Variants in BEAN1 observed in about 807,000 individuals in gnomAD.
BEAN1 encodes the protein brain expressed associated with NEDD4 1.
Under a neutral mutation model 17.7 loss-of-function variants are expected in BEAN1, and 17 were observed. That is an observed-to-expected ratio of 0.96 (90% confidence interval 0.66 to 1.44). The LOEUF is 1.44. BEAN1 is among the 40% of genes most tolerant of loss of function. The pLI, the probability that BEAN1 is intolerant of heterozygous loss-of-function variation, is 0.00. For synonymous variants in BEAN1, 142 were observed against 151.8 expected, an observed-to-expected ratio of 0.94 and a Z score of 0.47; for missense variants, 359 against 374.1, an observed-to-expected ratio of 0.96 and a Z score of 0.33.
At chr16:66,438,363 G>A (rs1441370782) in intron 2 of BEAN1, among the ~76,000 whole-genome samples, 2 of 152,062 alleles carry the variant, frequency 1.3e-5, no homozygotes, top group African/African-American at 2.4e-5. Context: ...CAGCCTGGGC[G>A]ACAGAGCGAA....
intron 4 of BEAN1, among the ~76,000 whole-genome samples, chr16:66,488,241 T>C (rs1268369320): frequency 3.3e-5 from 5 of 151,908 alleles, no homozygotes; most frequent in Non-Finnish European, 5.9e-5. Flanking sequence ...GTGGGGGCCT[T>C]GGAATGTACC....
intron 2 of BEAN1, among the ~76,000 whole-genome samples, chr16:66,448,787 C>A (rs1178212349): frequency 2.0e-5 from 3 of 152,156 alleles, no homozygotes; most frequent in Non-Finnish European, 4.4e-5. Flanking sequence ...CGTGCCACTG[C>A]ACTCGGGCAA....
downstream of BEAN1, among the ~76,000 whole-genome samples, chr16:66,493,708 G>A (rs955697153): frequency 3.3e-5 from 5 of 152,138 alleles, no homozygotes; most frequent in African/African-American, 7.2e-5. Context: ...AGCTCTGCCC[G>A]ACACCAGGTC....
At chr16:66,439,982 C>G (rs919875251) in intron 2 of BEAN1, among the ~76,000 whole-genome samples, 7 of 152,156 alleles carry the variant, frequency 4.6e-5, no homozygotes, top group Admixed American at 4.6e-4. Context: ...CCTGGTGTCC[C>G]CTTCCAGCAC....
chr16:66,480,692 G>A lies in BEAN1; in HGVS notation c.547G>A (p.Asp183Asn), dbSNP rs550452891. The change falls in exon 5 of 5, where the codon GAC (aspartate) becomes AAC (asparagine). Residue 183 changes from aspartate (D) to asparagine (N), a missense_variant. Physicochemically the swap from Asp to Asn is conservative, Grantham distance 23. Transcript: ENST00000536005. The part of the protein sequence containing the change: ...DSCPTLDGTS[D>N]SGSGHSPGRH... ...CTGCCCCACGCTGGATGGCACCTCCGACTCAGGCAGCGGCCACAGCCCTGG... is the reference window on the plus strand; with the variant it reads ...CTGCCCCACGCTGGATGGCACCTCCAACTCAGGCAGCGGCCACAGCCCTGG... 3.5e-5 allele frequency: 55 copies of A among 1,551,644 alleles called. 2 individuals carry two copies. The highest frequency in any genetic ancestry group is 1.9e-4 in the South Asian group (16 of 84,054).
At chr16:66,431,557 T>A (rs1297027898) in intron 1 of BEAN1, among the ~76,000 whole-genome samples, 1 of 152,060 alleles carries the variant, frequency 6.6e-6, no homozygotes, top group Non-Finnish European at 1.5e-5. Flanking sequence ...TTTCTGTCTG[T>A]GTTCTGTCCT....
chr16:66,435,492 T>A (rs1447333719), intron 1 of BEAN1, among the ~76,000 whole-genome samples: 1 of 152,128 alleles, frequency 6.6e-6, no homozygotes, highest in Admixed American at 6.5e-5. Flanking sequence ...ATAACTGGTT[T>A]GTTTTTGTTT....
chr16:66,468,877 G>A (rs1963358179), intron 2 of BEAN1, among the ~76,000 whole-genome samples: 1 of 152,074 alleles, frequency 6.6e-6, no homozygotes, highest in Non-Finnish European at 1.5e-5. Context: ...TCTTTCCGTA[G>A]GACTCTCAAG....
intron 2 of BEAN1, among the ~76,000 whole-genome samples, chr16:66,449,083 C>T (rs1203431727): frequency 6.6e-6 from 1 of 152,176 alleles, no homozygotes; most frequent in African/African-American, 2.4e-5. Context: ...GTCACTATCC[C>T]ATGTCAAGGG....
chr16:66,477,589 A>G lies in BEAN1; in HGVS notation c.319A>G (p.Ser107Gly). The change falls in exon 4 of 5, where the codon AGC becomes GGC. Residue 107 changes from serine (S) to glycine (G), a missense_variant. By Grantham distance (56) the Ser-to-Gly change is moderately conservative. Transcript: ENST00000536005. The part of the protein sequence containing the change: ...VSDEHTYSRS[S>G]RRMRYACSSS... Reference sequence around the variant, plus strand: ...GGACGAGCACACATACAGCCGCTCAAGCCGCAGGATGCGCTATGCCTGCAG... The same window carrying G: ...GGACGAGCACACATACAGCCGCTCAGGCCGCAGGATGCGCTATGCCTGCAG... 1.3e-6 allele frequency: 2 copies of G among 1,549,680 alleles called. No homozygotes were observed. Among genetic ancestry groups the G allele is most frequent in the Non-Finnish European group, 1.7e-6 (2 of 1,146,398 alleles).
At chr16:66,468,343 A>C (rs566963129) in intron 2 of BEAN1, among the ~76,000 whole-genome samples, 3 of 152,346 alleles carry the variant, frequency 2.0e-5, no homozygotes, top group Non-Finnish European at 4.4e-5. Flanking sequence ...GGGCTTGAAC[A>C]TGGGCTCTGG....
At chr16:66,454,117 T>C (rs1962780421) in intron 2 of BEAN1, among the ~76,000 whole-genome samples, 1 of 152,240 alleles carries the variant, frequency 6.6e-6, no homozygotes, top group African/African-American at 2.4e-5. Context: ...ACATATTTTG[T>C]ATGATTTAAA....
chr16:66,474,755 A>G (rs575387831), intron 3 of BEAN1, among the ~76,000 whole-genome samples: 3 of 152,246 alleles, frequency 2.0e-5, no homozygotes, highest in Non-Finnish European at 4.4e-5. Context: ...GAAAGAAAGA[A>G]AGAAAGAAGA....
At chr16:66,493,009 A>G (rs766221952) in exon 5 of BEAN1, 1 of 702,982 alleles carries the variant, frequency 1.4e-6, no homozygotes, top group South Asian at 1.5e-5. Context: ...TGCTTTCCAG[A>G]CACAAACTGG....
At chr16:66,486,075 C>A (rs1274522112), downstream of BEAN1, 2 of 152,140 alleles carry the variant, frequency 1.3e-5, no homozygotes, top group African/African-American at 4.8e-5. Flanking sequence ...GTATGGAAGC[C>A]CCAAGTCTAC....
At chr16:66,454,473 T>C (rs998172325) in intron 2 of BEAN1, among the ~76,000 whole-genome samples, 1 of 152,198 alleles carries the variant, frequency 6.6e-6, no homozygotes. Flanking sequence ...TTTTTTGTCA[T>C]TATGAAATGT....
intron 2 of BEAN1, among the ~76,000 whole-genome samples, chr16:66,446,325 T>G (rs1391444753): frequency 6.6e-6 from 1 of 151,932 alleles, no homozygotes; most frequent in East Asian, 1.9e-4. Context: ...TTCATTGGAT[T>G]TGGGGTGGAT....
At chr16:66,492,333 C>T (rs989616547) in intron 4 of BEAN1, among the ~76,000 whole-genome samples, 1 of 151,952 alleles carries the variant, frequency 6.6e-6, no homozygotes, top group Admixed American at 6.6e-5. Flanking sequence ...TGAGCAGTCA[C>T]ACTCGGCCCC....
intron 2 of BEAN1, among the ~76,000 whole-genome samples, chr16:66,469,126 C>T (rs1272330581): frequency 2.6e-5 from 4 of 152,374 alleles, no homozygotes; most frequent in East Asian, 3.9e-4. Flanking sequence ...TTTCAGCCCA[C>T]AGCCCCAGGC....
Sources: gnomAD v4.1 joint callset for allele counts (sites outside exome capture counted in the v4.1 genomes callset) on GRCh38, gnomAD v4.1.1 for gene constraint, MANE v1.5 for transcripts, NCBI Gene and HGNC (gene_info 2026-07-23, HGNC 2026-07-21) for gene names.